The following MARCHF1 variants were observed in gnomAD, a reference collection of about 807,000 sequenced individuals.
MARCHF1 encodes the protein E3 ubiquitin-protein ligase MARCHF1.
In MARCHF1, 40 loss-of-function variants were observed where a neutral mutation model predicts 54.2. The ratio of observed to expected loss-of-function variants is 0.74; its 90% CI spans 0.57 to 0.96. MARCHF1 has a LOEUF of 0.96. MARCHF1 is among the 40% of genes least tolerant of loss of function. The pLI is 0.00. For synonymous variants in MARCHF1, 236 were observed against 236.3 expected (o/e 1.00, Z 0.01); for missense variants, 586 against 656.5 (o/e 0.89, Z 1.17).
chr4:163,700,576 GGAAGGAAGGAAAT>G (rs1744781278), intron 5 of MARCHF1, among the ~76,000 whole-genome samples: 1 of 139,614 alleles, frequency 7.2e-6, no homozygotes, highest in African/African-American at 2.6e-5. Flanking sequence ...AAGGAAGGAA[GGAAGGAAGGAAAT>G]TATCTCTTGC....
At chr4:164,265,916 C>T (rs1733598797) in intron 1 of MARCHF1, among the ~76,000 whole-genome samples, 1 of 152,132 alleles carries the variant, frequency 6.6e-6, no homozygotes, top group East Asian at 1.9e-4. Flanking sequence ...ATTATATGGC[C>T]ACATAGTATC....
intron 1 of MARCHF1, among the ~76,000 whole-genome samples, chr4:164,215,435 C>A (rs1683929341): frequency 6.6e-6 from 1 of 152,030 alleles, no homozygotes; most frequent in Admixed American, 6.5e-5. Flanking sequence ...TTTTTATAGG[C>A]ACAGGATGGG....
intron 1 of MARCHF1, among the ~76,000 whole-genome samples, chr4:164,222,665 A>G (rs993076483): frequency 6.6e-6 from 1 of 151,970 alleles, no homozygotes; most frequent in African/African-American, 2.4e-5. Context: ...AGAGAGAAAG[A>G]GCTCATTTAT....
intron 1 of MARCHF1, among the ~76,000 whole-genome samples, chr4:164,334,417 A>G (rs538808759): frequency 1.6e-3 from 247 of 152,266 alleles, no homozygotes; most frequent in Middle Eastern, 6.8e-3. Context: ...ACTAAATCTA[A>G]TCTTCCTATG....
intron 4 of MARCHF1, among the ~76,000 whole-genome samples, chr4:163,736,250 A>G (rs1210050314): frequency 6.6e-6 from 1 of 152,116 alleles, no homozygotes; most frequent in Non-Finnish European, 1.5e-5. Flanking sequence ...TAAGTAAAAT[A>G]GGGGTTACTT....
chr4:163,924,103 T>C (rs1308636496), intron 3 of MARCHF1, among the ~76,000 whole-genome samples: 3 of 151,906 alleles, frequency 2.0e-5, no homozygotes, highest in South Asian at 2.1e-4. Context: ...ATGCATGGAG[T>C]GTAGAAAGGT....
intron 5 of MARCHF1, among the ~76,000 whole-genome samples, chr4:163,697,734 T>C (rs1421529330): frequency 6.6e-6 from 1 of 152,232 alleles, no homozygotes; most frequent in Non-Finnish European, 1.5e-5. Flanking sequence ...ACACCCATTA[T>C]GAGTAATACT....
chr4:163,807,604 T>C (rs1748261969), intron 4 of MARCHF1, among the ~76,000 whole-genome samples: 1 of 152,144 alleles, frequency 6.6e-6, no homozygotes, highest in Non-Finnish European at 1.5e-5. Flanking sequence ...ATTTAATAAG[T>C]ATGTTTTGCT....
chr4:164,224,718 A>G (rs1392635666), intron 1 of MARCHF1, among the ~76,000 whole-genome samples: 1 of 152,094 alleles, frequency 6.6e-6, no homozygotes, highest in Non-Finnish European at 1.5e-5. Flanking sequence ...ATAAACAACA[A>G]TTAAGTTTAT....
At chr4:164,155,907 C>T (rs949725950) in intron 1 of MARCHF1, among the ~76,000 whole-genome samples, 5 of 152,076 alleles carry the variant, frequency 3.3e-5, no homozygotes, top group Admixed American at 6.6e-5. Flanking sequence ...TACTTTCTCC[C>T]TCAAAATGAT....
intron 9 of MARCHF1, among the ~76,000 whole-genome samples, chr4:163,540,069 T>C (rs1291929486): frequency 6.6e-6 from 1 of 152,212 alleles, no homozygotes; most frequent in Admixed American, 6.5e-5. Context: ...GCATTTATAA[T>C]ACAGCTGGAG....
At chr4:163,545,080 C>T (rs1034682491) in intron 9 of MARCHF1, among the ~76,000 whole-genome samples, 2 of 152,208 alleles carry the variant, frequency 1.3e-5, no homozygotes, top group East Asian at 3.8e-4. Flanking sequence ...GCAGACTTGA[C>T]ACCATCCTTC....
chr4:163,597,207 C>A (rs2110871824), intron 7 of MARCHF1, among the ~76,000 whole-genome samples: 1 of 152,310 alleles, frequency 6.6e-6, no homozygotes, highest in Non-Finnish European at 1.5e-5. Context: ...ATCTGCCCAC[C>A]TCGGCCTTCC....
intron 1 of MARCHF1, among the ~76,000 whole-genome samples, chr4:164,124,741 T>G (rs1021933323): frequency 6.6e-6 from 1 of 152,070 alleles, no homozygotes; most frequent in South Asian, 2.1e-4. Context: ...ATTGAACCCA[T>G]GGACACAGAG....
chr4:164,065,465 C>A lies in MARCHF1; in HGVS notation c.-248+46123G>T, dbSNP rs142544175. The stretch of plus-strand genomic sequence containing the variant: ...GAGTTCTAATTAAACTAAAGAGCTT[C>A]CACACAGTGAAAGAAACTATCAACA... On this transcript the variant is annotated intron_variant, in intron 2 of 9. Transcript: ENST00000514618. 6.3e-3 allele frequency among the ~76,000 whole-genome samples: 962 copies of A among 152,224 alleles called. 10 individuals carry two copies. Among genetic ancestry groups the A allele is most frequent in the African/African-American group, 0.019 (779 of 41,536 alleles).
At chr4:164,240,649 G>A (rs1299804524) in intron 1 of MARCHF1, among the ~76,000 whole-genome samples, 1 of 152,034 alleles carries the variant, frequency 6.6e-6, no homozygotes. Flanking sequence ...AACAGTGAGA[G>A]AATTCAGACA....
chr4:164,016,739 C>G (rs1258519629), intron 2 of MARCHF1, among the ~76,000 whole-genome samples: 1 of 152,004 alleles, frequency 6.6e-6, no homozygotes, highest in Admixed American at 6.6e-5. Flanking sequence ...AGATCTAATG[C>G]TCAGTAGCAC....
chr4:164,083,430 A>G (rs939766800), intron 2 of MARCHF1, among the ~76,000 whole-genome samples: 7 of 152,076 alleles, frequency 4.6e-5, no homozygotes, highest in Non-Finnish European at 8.8e-5. Context: ...TGCTGCTGTG[A>G]TGGCTCCATT....
chr4:163,674,965 A>T (rs1743864791), intron 5 of MARCHF1, among the ~76,000 whole-genome samples: 1 of 152,232 alleles, frequency 6.6e-6, no homozygotes, highest in Non-Finnish European at 1.5e-5. Context: ...TCTAGATGAT[A>T]GCTCTAAAGA....
Sources: gnomAD v4.1 joint callset for allele counts (sites outside exome capture counted in the v4.1 genomes callset) on GRCh38, gnomAD v4.1.1 for gene constraint, MANE v1.5 for transcripts, NCBI Gene and HGNC (gene_info 2026-07-23, HGNC 2026-07-21) for gene names.